COL19A1: variants seen among roughly 807,000 people sequenced by gnomAD.
COL19A1 encodes collagen alpha-1(XIX) chain.
In COL19A1, 159 loss-of-function variants were observed where a neutral mutation model predicts 190.2. That is an observed-to-expected ratio of 0.84 (90% CI 0.73 to 0.95). The LOEUF (loss-of-function observed/expected upper bound fraction) is 0.95. Among genes scored for constraint, COL19A1 ranks in the 40% least tolerant of loss-of-function variants. The probability of loss-of-function intolerance (pLI) is 0.00; values close to 1 mark genes in which losing one functional copy is unlikely to be tolerated. For synonymous variants in COL19A1, 509 were observed against 458.9 expected (o/e 1.11, Z -1.39); for missense variants, 1,418 against 1,431.9 (o/e 0.99, Z 0.16).
chr6:70,188,193 G>T lies in COL19A1; in HGVS notation c.2975G>T (p.Gly992Val). 6.2e-7 allele frequency: 1 copy of T among 1,613,222 alleles called. No homozygotes were observed. Among genetic ancestry groups the T allele is most frequent in the Non-Finnish European group, 8.5e-7 (1 of 1,179,656 alleles). The change falls in exon 47 of 51, where the codon GGA (glycine) becomes GTA (valine). Residue 992 changes from glycine (G) to valine (V), a missense_variant. Gly to Val is a moderately radical substitution (Grantham distance 109). Coordinates refer to ENST00000620364, the MANE Select transcript of COL19A1 (RefSeq NM_001858.6). ...CCACCAGGAAACAAGGGCTCCATGG[G>T]ATCCCCTGGCCACCAAGGCCCTCCA... is the stretch of plus-strand genomic sequence containing the variant. The part of the protein sequence containing the change: ...MGPPGNKGSM[G>V]SPGHQGPPGS...
intron 2 of COL19A1, among the ~76,000 whole-genome samples, chr6:69,884,207 C>T (rs1019533971): frequency 4.6e-5 from 7 of 151,894 alleles, no homozygotes; most frequent in Non-Finnish European, 5.9e-5. Flanking sequence ...TGGTGGCAGG[C>T]ACCTATAATC....
intron 4 of COL19A1, among the ~76,000 whole-genome samples, chr6:69,923,447 C>T (rs1200805673): frequency 3.9e-5 from 6 of 152,106 alleles, no homozygotes; most frequent in African/African-American, 1.2e-4. Context: ...TGGTAGTTCC[C>T]TAAAAACCCC....
chr6:69,960,172 C>A, intron 10 of COL19A1, 132 bp downstream of exon 10: 1 of 856,922 alleles, frequency 1.2e-6, no homozygotes, highest in Admixed American at 2.8e-5. Flanking sequence ...CTATGGATGT[C>A]TTTTCAAAGA....
chr6:70,206,674 T>G (rs1767879310), intron 49 of COL19A1, among the ~76,000 whole-genome samples: 1 of 152,064 alleles, frequency 6.6e-6, no homozygotes, highest in Admixed American at 6.6e-5. Flanking sequence ...AGTTGGAACT[T>G]TTTATAGTAA....
At chr6:70,178,985 G>T (rs1765994719) in intron 42 of COL19A1, among the ~76,000 whole-genome samples, 1 of 152,044 alleles carries the variant, frequency 6.6e-6, no homozygotes, top group Non-Finnish European at 1.5e-5. Flanking sequence ...TTCCATCAAT[G>T]TCCCTTATCT....
intron 2 of COL19A1, chr6:69,890,231 C>A (rs1024491945): frequency 2.6e-5 from 4 of 152,254 alleles, no homozygotes; most frequent in Admixed American, 1.3e-4. Flanking sequence ...ACAGCCCTCA[C>A]CTCTCTTTTG....
At chr6:70,004,620 G>T (rs986265444) in intron 11 of COL19A1, among the ~76,000 whole-genome samples, 2 of 151,944 alleles carry the variant, frequency 1.3e-5, no homozygotes, top group East Asian at 1.9e-4. Flanking sequence ...TGTTAGCAAG[G>T]TGGTCTTCAA....
At chr6:70,137,863 C>T in intron 19 of COL19A1, 116 bp downstream of exon 19, 1 of 890,638 alleles carries the variant, frequency 1.1e-6, no homozygotes, top group Non-Finnish European at 1.8e-6. Flanking sequence ...TGGGAAACAA[C>T]AGATCAGATC....
intron 40 of COL19A1, among the ~76,000 whole-genome samples, chr6:70,169,342 T>G (rs182777540): frequency 2.0e-5 from 3 of 152,306 alleles, no homozygotes; most frequent in Admixed American, 2.0e-4. Flanking sequence ...TTCAAGCATA[T>G]CCTTCATGTT....
chr6:70,073,196 C>G (rs1781662567), intron 15 of COL19A1, among the ~76,000 whole-genome samples: 1 of 152,060 alleles, frequency 6.6e-6, no homozygotes, highest in African/African-American at 2.4e-5. Flanking sequence ...CCATGTTGGT[C>G]AGGCTGGTCT....
Position 70,163,362 on chromosome 6 carries a change from G to T in COL19A1, c.2366G>T (p.Gly789Val). 1 of 1,612,442 alleles carries T rather than the reference G, an allele frequency of 6.2e-7. No homozygotes were observed. The highest frequency in any genetic ancestry group is 2.2e-5 in the East Asian group (1 of 44,590). ...TTACAGGGCTTAATGGGAAGAACTG[G>T]ACATCCTGGTCCCACAGGAGCAAAA... ...TGPPGLMGRT[G>V]HPGPTGAKGE... Residue 789 changes from glycine to valine, a missense_variant, in exon 36 of 51, where the codon GGA becomes GTA. By Grantham distance (109) the Gly-to-Val change is moderately radical (BLOSUM62 -3). Transcript: ENST00000620364.
chr6:69,898,892 GTAATTAAAATTCAT>G, intron 2 of COL19A1, 42 bp from the exon 3 acceptor site: 1 of 994,808 alleles, frequency 1.0e-6, no homozygotes, highest in South Asian at 1.4e-5. Context: ...ATTGTACTGT[GTAATTAAAATTCAT>G]ACATAATGCA....
intron 15 of COL19A1, among the ~76,000 whole-genome samples, chr6:70,094,412 T>G (rs1783115352): frequency 2.0e-5 from 3 of 152,162 alleles, no homozygotes; most frequent in Admixed American, 2.0e-4. Context: ...AATACACATA[T>G]GGAAACAGGG....
intron 24 of COL19A1, among the ~76,000 whole-genome samples, chr6:70,144,590 G>A (rs888741652): frequency 7.2e-5 from 11 of 152,236 alleles, no homozygotes; most frequent in East Asian, 3.9e-4. Context: ...GTGCATTAAC[G>A]TTGAACCATT....
chr6:70,022,227 A>G (rs1473860119), intron 11 of COL19A1, among the ~76,000 whole-genome samples: 3 of 152,186 alleles, frequency 2.0e-5, no homozygotes, highest in Non-Finnish European at 2.9e-5. Flanking sequence ...TATTACTACT[A>G]CTAACTTCAC....
intron 11 of COL19A1, among the ~76,000 whole-genome samples, chr6:69,994,630 T>C (rs542414469): frequency 2.0e-5 from 3 of 152,284 alleles, no homozygotes; most frequent in South Asian, 4.1e-4. Context: ...CAGACATTGC[T>C]ATAATTTGGA....
chr6:70,048,639 C>T (rs1001170026), intron 14 of COL19A1, among the ~76,000 whole-genome samples: 12 of 152,052 alleles, frequency 7.9e-5, no homozygotes, highest in African/African-American at 2.9e-4. Flanking sequence ...CTAGTTATTT[C>T]AGAGAAAATT....
chr6:69,944,935 G>A (rs570032430), intron 9 of COL19A1, among the ~76,000 whole-genome samples: 2 of 151,914 alleles, frequency 1.3e-5, no homozygotes, highest in Admixed American at 1.3e-4. Context: ...AGACTCAATT[G>A]TAATAATTTT....
At position 70,130,711 on chromosome 6, in the gene COL19A1, C is replaced by T. The variant is rs186773832; in HGVS notation, c.1383+488C>T. On this transcript the variant is annotated intron_variant, in intron 18 of 50. Transcript: ENST00000620364. ...TAGGATTCGAATCTGCTTCAGGGTC[C>T]AGCAAGGACTGCTGAGTAGCAGTTG... Among the ~76,000 whole-genome samples the T allele has an allele frequency of 1.1e-4, 16 of 152,350 alleles. No homozygotes were observed. In the East Asian group the frequency reaches 3.1e-3, roughly 29 times the overall value.
Sources: gnomAD v4.1 joint callset for allele counts (sites outside exome capture counted in the v4.1 genomes callset) on GRCh38, gnomAD v4.1.1 for gene constraint, MANE v1.5 for transcripts, NCBI Gene and HGNC (gene_info 2026-07-23, HGNC 2026-07-21) for gene names.